Variants in CFAP54 observed in about 807,000 individuals in gnomAD.
CFAP54 encodes the protein cilia- and flagella-associated protein 54.
In CFAP54, 290 loss-of-function variants were observed where a neutral mutation model predicts 370.4. That is an observed-to-expected ratio of 0.78 (90% CI 0.71 to 0.86). The LOEUF is 0.86. CFAP54 is among the 40% of genes least tolerant of loss of function. The pLI, the probability that CFAP54 is intolerant of heterozygous loss-of-function variation, is 0.00. For missense variants in CFAP54, 3,399 were observed against 3,528.7 expected (o/e 0.96, Z 0.93); for synonymous variants, 1,206 against 1,236.5 (o/e 0.98, Z 0.52).
chr12:96,726,593 T>C (rs1323156577), intron 50 of CFAP54, among the ~76,000 whole-genome samples: 1 of 152,210 alleles, frequency 6.6e-6, no homozygotes, highest in Non-Finnish European at 1.5e-5. Context: ...TTGCTAGCAG[T>C]CTATCAATTT....
At chr12:96,552,602 C>G (rs1204208181) in intron 15 of CFAP54, among the ~76,000 whole-genome samples, 1 of 152,108 alleles carries the variant, frequency 6.6e-6, no homozygotes, top group African/African-American at 2.4e-5. Flanking sequence ...CCTTGGCCTC[C>G]CCAAGTGTTG....
chr12:96,640,301 A>G (rs1956710657), intron 32 of CFAP54, among the ~76,000 whole-genome samples: 1 of 152,164 alleles, frequency 6.6e-6, no homozygotes, highest in Admixed American at 6.5e-5. Context: ...AAACAGCCAA[A>G]TCATGAGTGA....
At chr12:96,845,637 T>C (rs1959320993) in intron 66 of CFAP54, among the ~76,000 whole-genome samples, 2 of 152,248 alleles carry the variant, frequency 1.3e-5, no homozygotes, top group Non-Finnish European at 2.9e-5. Context: ...GTGACTGCAT[T>C]GCAGCCCAGC....
intron 17 of CFAP54, among the ~76,000 whole-genome samples, chr12:96,562,074 C>G (rs1374053602): frequency 6.6e-6 from 1 of 152,120 alleles, no homozygotes; most frequent in East Asian, 1.9e-4. Context: ...GTGTGAGCCA[C>G]TGCGCCTGAC....
At chr12:96,624,162 C>T (rs138306662) in intron 28 of CFAP54, among the ~76,000 whole-genome samples, 61 of 152,266 alleles carry the variant, frequency 4.0e-4, no homozygotes, top group African/African-American at 1.3e-3. Flanking sequence ...TTCTCAACCT[C>T]GACACTATCA....
chr12:96,492,999 A>G (rs1340651236), intron 1 of CFAP54, among the ~76,000 whole-genome samples: 3 of 152,118 alleles, frequency 2.0e-5, no homozygotes, highest in East Asian at 1.9e-4. Flanking sequence ...TGTCTCAAAA[A>G]AAAAAAAAAA....
At chr12:96,654,832 A>ATT (rs10631171) in intron 36 of CFAP54, among the ~76,000 whole-genome samples, 1,652 of 132,110 alleles carry the variant, frequency 0.013, 46 homozygotes, top group African/African-American at 0.038. Context: ...ATTTCACTTA[A>ATT]TTTTTTTTTT....
At chr12:96,644,500 A>C in intron 33 of CFAP54, 92 bp downstream of exon 33, 4 of 922,432 alleles carry the variant, frequency 4.3e-6, no homozygotes, top group Non-Finnish European at 4.9e-6. Context: ...CTAACAACTT[A>C]AGGAGGTTTA....
At chr12:96,686,204 C>G (rs1957328048) in intron 42 of CFAP54, among the ~76,000 whole-genome samples, 1 of 152,150 alleles carries the variant, frequency 6.6e-6, no homozygotes, top group Admixed American at 6.5e-5. Flanking sequence ...AGAAAGGTCA[C>G]TGTGTCCACA....
At chr12:96,552,505 G>T (rs143581180) in intron 15 of CFAP54, among the ~76,000 whole-genome samples, 1 of 151,726 alleles carries the variant, frequency 6.6e-6, no homozygotes, top group Admixed American at 6.6e-5. Context: ...CATCATGCCC[G>T]GCTAATTTTT....
At chr12:96,501,818 T>C (rs1955030673) in intron 2 of CFAP54, among the ~76,000 whole-genome samples, 1 of 152,190 alleles carries the variant, frequency 6.6e-6, no homozygotes, top group African/African-American at 2.4e-5. Context: ...AGAACTAAGA[T>C]CTATTTTCTT....
chr12:96,736,837 G>A (rs1957985723), intron 50 of CFAP54, among the ~76,000 whole-genome samples: 1 of 152,140 alleles, frequency 6.6e-6, no homozygotes, highest in South Asian at 2.1e-4. Flanking sequence ...TATATGGATA[G>A]CAAAAATTCA....
chr12:96,866,567 C>T (rs569194818), intron 67 of CFAP54, among the ~76,000 whole-genome samples: 1 of 152,066 alleles, frequency 6.6e-6, no homozygotes, highest in African/African-American at 2.4e-5. Context: ...CTGAACCATC[C>T]CTTTAAATTG....
At chr12:96,639,404 G>C (rs1484337024) in intron 32 of CFAP54, among the ~76,000 whole-genome samples, 2 of 152,018 alleles carry the variant, frequency 1.3e-5, no homozygotes, top group African/African-American at 4.8e-5. Flanking sequence ...CTGAATAGAC[G>C]AATAACAGGC....
intron 26 of CFAP54, among the ~76,000 whole-genome samples, chr12:96,617,160 T>A (rs1346069031): frequency 6.6e-6 from 1 of 152,178 alleles, no homozygotes; most frequent in Non-Finnish European, 1.5e-5. Flanking sequence ...GAGGAGTAAC[T>A]TTGTGTAGTG....
At chr12:96,778,472 A>G (rs972151565) in intron 60 of CFAP54, among the ~76,000 whole-genome samples, 1 of 152,208 alleles carries the variant, frequency 6.6e-6, no homozygotes, top group African/African-American at 2.4e-5. Context: ...ATACTATTCA[A>G]AAGTGCACAG....
chr12:96,550,253 G>A (rs977180479), intron 15 of CFAP54, among the ~76,000 whole-genome samples: 5 of 152,096 alleles, frequency 3.3e-5, no homozygotes, highest in Admixed American at 6.5e-5. Flanking sequence ...GAATGTGAGC[G>A]TGTGGGGTCT....
chr12:96,582,030 G>A (rs888594658), intron 22 of CFAP54, among the ~76,000 whole-genome samples: 1 of 152,086 alleles, frequency 6.6e-6, no homozygotes, highest in East Asian at 1.9e-4. Context: ...TTCTGGATCA[G>A]TAGAGGCAGA....
chr12:96,860,201 A>G (rs1339503626), intron 66 of CFAP54, among the ~76,000 whole-genome samples: 1 of 139,392 alleles, frequency 7.2e-6, no homozygotes, highest in Admixed American at 7.8e-5. Flanking sequence ...CATTGTGGTC[A>G]TTCTACACAA....
Sources: gnomAD v4.1 joint callset for allele counts (sites outside exome capture counted in the v4.1 genomes callset) on GRCh38, gnomAD v4.1.1 for gene constraint, MANE v1.5 for transcripts, NCBI Gene and HGNC (gene_info 2026-07-23, HGNC 2026-07-21) for gene names.